The following TG variants were observed in gnomAD, a reference collection of about 807,000 sequenced individuals.
TG encodes thyroid hormones.
Under a neutral mutation model 324.7 loss-of-function variants are expected in TG, and 270 were observed. That is an observed-to-expected ratio of 0.83 (90% CI 0.75 to 0.92). The LOEUF is 0.92. Among genes scored for constraint, TG ranks in the 40% least tolerant of loss-of-function variants. The probability of loss-of-function intolerance (pLI) is 0.00; values close to 1 mark genes in which losing one functional copy is unlikely to be tolerated. For synonymous variants in TG, 1,401 were observed against 1,327.0 expected, an observed-to-expected ratio of 1.06 and a Z score of -1.21; for missense variants, 3,591 against 3,456.4, an observed-to-expected ratio of 1.04 and a Z score of -0.98.
At chr8:133,125,677 G>A (rs1163711691) in intron 45 of TG, among the ~76,000 whole-genome samples, 2 of 152,212 alleles carry the variant, frequency 1.3e-5, no homozygotes, top group Admixed American at 1.3e-4. Context: ...ATGCCTGGGG[G>A]ATGGGCCAGC....
At chr8:132,975,077 A>T (rs1830026954) in intron 34 of TG, among the ~76,000 whole-genome samples, 1 of 152,220 alleles carries the variant, frequency 6.6e-6, no homozygotes, top group Admixed American at 6.5e-5. Context: ...TGTTCCATAT[A>T]TAACAGTTTC....
chr8:132,967,776 C>G lies in TG; in HGVS notation c.5687-18C>G. 6.2e-7 allele frequency: 1 copy of G among 1,613,272 alleles called. No homozygotes were observed. Among genetic ancestry groups the G allele is most frequent in the Non-Finnish European group, 8.5e-7 (1 of 1,179,530 alleles). ...AGACCCCACAAAAACTAAAATCACA[C>G]TACTCTCTTGCCTGTAGGTTGTGTG... is the stretch of plus-strand genomic sequence containing the variant. On this transcript the variant is annotated intron_variant, in intron 30 of 47. Transcript: ENST00000220616.
chr8:132,952,273 T>C (rs1212737966), intron 27 of TG, among the ~76,000 whole-genome samples: 1 of 152,160 alleles, frequency 6.6e-6, no homozygotes, highest in African/African-American at 2.4e-5. Context: ...AGGCTAGCGG[T>C]GGACACTGGA....
At chr8:133,042,678 C>CTTT (rs58739514) in intron 41 of TG, among the ~76,000 whole-genome samples, 1,599 of 56,754 alleles carry the variant, frequency 0.028, 334 homozygotes, top group Non-Finnish European at 0.036. Flanking sequence ...CATTCTGTGT[C>CTTT]TTTTTTTTTT....
chr8:133,003,424 T>G (rs897153804), intron 35 of TG, among the ~76,000 whole-genome samples: 2 of 152,008 alleles, frequency 1.3e-5, no homozygotes, highest in African/African-American at 2.4e-5. Context: ...TTTTTTTTTT[T>G]TGTGGTGAGA....
chr8:132,883,131 C>A, intron 8 of TG, 132 bp downstream of exon 8: 1 of 925,416 alleles, frequency 1.1e-6, no homozygotes, highest in Non-Finnish European at 1.6e-6. Flanking sequence ...CAAGCTCAAC[C>A]TGTCTGAGAA....
intron 11 of TG, among the ~76,000 whole-genome samples, chr8:132,897,020 C>T (rs1817220358): frequency 6.6e-6 from 1 of 152,278 alleles, no homozygotes; most frequent in Non-Finnish European, 1.5e-5. Context: ...GTTCTGGCTT[C>T]ATGGAGCTGC....
intron 42 of TG, 44 bp from the exon 43 acceptor site, chr8:133,096,162 A>G: frequency 6.2e-7 from 1 of 1,611,506 alleles, no homozygotes; most frequent in East Asian, 2.2e-5. Flanking sequence ...AAGCAGTGCA[A>G]CTGATTATTC....
At chr8:132,983,205 AC>A in intron 34 of TG, 144 bp from the exon 35 acceptor site, 1 of 846,312 alleles carries the variant, frequency 1.2e-6, no homozygotes, top group Non-Finnish European at 2.0e-6. Context: ...CATCCAGCCC[AC>A]CCTGACCGAT....
intron 19 of TG, 92 bp downstream of exon 19, chr8:132,911,625 C>T (rs1819542226): frequency 2.8e-6 from 3 of 1,060,976 alleles, no homozygotes; most frequent in Non-Finnish European, 4.4e-6. Flanking sequence ...GTGAAGAAGC[C>T]CATGATGTCT....
At chr8:132,975,235 T>G (rs1830044749) in intron 34 of TG, among the ~76,000 whole-genome samples, 2 of 152,132 alleles carry the variant, frequency 1.3e-5, no homozygotes, top group South Asian at 4.1e-4. Flanking sequence ...TCCTCTTACC[T>G]CCTTACCTCA....
At chr8:133,033,550 T>C (rs1836824570) in intron 41 of TG, among the ~76,000 whole-genome samples, 1 of 152,224 alleles carries the variant, frequency 6.6e-6, no homozygotes, top group Non-Finnish European at 1.5e-5. Flanking sequence ...AGCCTCAAGC[T>C]AAATTTTCTG....
chr8:133,058,448 G>A (rs1001391082), intron 41 of TG, among the ~76,000 whole-genome samples: 1 of 152,230 alleles, frequency 6.6e-6, no homozygotes, highest in Non-Finnish European at 1.5e-5. Context: ...AAAGTTGAAG[G>A]CAAATGAGCA....
rs753047674 is a variant in TG, at chr8:132,994,697, A to T, written c.6262+11285A>T. On this transcript the variant is annotated intron_variant, in intron 35 of 47. Transcript: ENST00000220616. Reference sequence around the variant, plus strand: ...ACTCAGTTTGACTTATTACAGAAGCATCTACCTCTTCTCCCCAGTGTTTAA... The same window carrying T: ...ACTCAGTTTGACTTATTACAGAAGCTTCTACCTCTTCTCCCCAGTGTTTAA... 9.3e-6 allele frequency: 12 copies of T among 1,288,610 alleles called. No homozygotes were observed. In the South Asian group the frequency reaches 1.5e-4, roughly 16 times the overall value. 79.8% of individuals were successfully genotyped at this position (1,288,610 alleles called of 1,614,324 possible). A position where few individuals can be genotyped will look rare whatever the true frequency, so the allele number is the denominator to read the frequency against.
chr8:132,967,692 G>T, intron 30 of TG, 102 bp from the exon 31 acceptor site: 2 of 1,321,600 alleles, frequency 1.5e-6, no homozygotes, highest in East Asian at 2.4e-5. Context: ...CTAACTAGGA[G>T]GGATCTCTAC....
At chr8:133,082,794 A>G (rs1845952937) in intron 41 of TG, among the ~76,000 whole-genome samples, 1 of 152,116 alleles carries the variant, frequency 6.6e-6, no homozygotes, top group East Asian at 1.9e-4. Context: ...TTCTCATTCT[A>G]TGATGCCTTA....
chr8:132,974,674 A>G lies in TG; in HGVS notation c.6199+1933A>G, dbSNP rs150353218. ...TCCTGACTGACCTTCCCCCAACTCA[A>G]TTGATTAACAAGAAATTGACTAACA... On this transcript the variant is annotated intron_variant, in intron 34 of 47. Coordinates refer to ENST00000220616, the MANE Select transcript of TG (RefSeq NM_003235.5). Among the ~76,000 whole-genome samples, 50 of 152,330 alleles carry G rather than the reference A, an allele frequency of 3.3e-4. No individual in the cohort carries two copies. The East Asian group carries it at 8.9e-3, about 27-fold the overall frequency.
At chr8:133,069,447 C>A (rs145570852) in intron 41 of TG, among the ~76,000 whole-genome samples, 92 of 152,310 alleles carry the variant, frequency 6.0e-4, no homozygotes, top group Non-Finnish European at 1.0e-3. Flanking sequence ...GGGGCTTGGT[C>A]TCTCTAAAGA....
At chr8:132,946,061 CA>C (rs1342254835) in intron 26 of TG, among the ~76,000 whole-genome samples, 5,403 of 151,924 alleles carry the variant, frequency 0.036, 303 homozygotes, top group African/African-American at 0.12. Flanking sequence ...CACACACACA[CA>C]CACACACACA....
Sources: gnomAD v4.1 joint callset for allele counts (sites outside exome capture counted in the v4.1 genomes callset) on GRCh38, gnomAD v4.1.1 for gene constraint, MANE v1.5 for transcripts, NCBI Gene and HGNC (gene_info 2026-07-23, HGNC 2026-07-21) for gene names.